PRKCE: variants seen among roughly 807,000 people sequenced by gnomAD.
The protein encoded by PRKCE is protein kinase C epsilon type.
A neutral mutation model predicts 85.4 loss-of-function variants in PRKCE; 16 were observed. The observed-to-expected ratio is 0.19, with a 90% CI of 0.13 to 0.28. The LOEUF is 0.28. Among genes scored for constraint, PRKCE ranks in the 10% least tolerant of loss-of-function variants. The probability of loss-of-function intolerance (pLI) is 1.00; values close to 1 mark genes in which losing one functional copy is unlikely to be tolerated. For missense variants in PRKCE, 573 were observed against 975.2 expected (o/e 0.59, Z 5.49); for synonymous variants, 388 against 371.5 (o/e 1.04, Z -0.51).
chr2:45,719,576 AGACAG>A (rs1253293758), intron 1 of PRKCE, among the ~76,000 whole-genome samples: 1 of 152,214 alleles, frequency 6.6e-6, no homozygotes, highest in Non-Finnish European at 1.5e-5. Flanking sequence ...CACATCTGAA[AGACAG>A]GACCAGGATT....
At position 45,652,986 on chromosome 2, in the gene PRKCE, GA is replaced by G. The variant is rs1055904823; in HGVS notation, c.348+544del. ...TAGCTCATCTTCTGACATACAAGTA[GA>G]AAAAATGTGTTCTCCTCCAGGATGT... On this transcript the variant is annotated intron_variant, in intron 1 of 14. Transcript: ENST00000306156. The surrounding 1 kb of genome is among the most constrained non-coding windows in gnomAD (Gnocchi z 7.7). Among the ~76,000 whole-genome samples the G allele has an allele frequency of 2.0e-5, 3 of 152,166 alleles. No individual in the cohort carries two copies. The highest frequency in any genetic ancestry group is 1.9e-4 in the East Asian group (1 of 5,182).
chr2:46,185,002 C>T lies in PRKCE; in HGVS notation c.*121C>T. ...CTCCTCGGAGCCCCAGTCCCATGTC[C>T]ACTGTCTATTTATTGCATTCCCTTG... On this transcript the variant is annotated 3_prime_UTR_variant, in exon 15 of 15. Coordinates refer to ENST00000306156, the MANE Select transcript of PRKCE (RefSeq NM_005400.3). This position sits in a 1 kb window ranked among gnomAD's most constrained non-coding sequence, Gnocchi z 4.7. The T allele has an allele frequency of 7.4e-7, 1 of 1,354,000 alleles. No individual in the cohort carries two copies. The highest frequency in any genetic ancestry group is 1.0e-6 in the Non-Finnish European group (1 of 993,628). 83.9% of individuals were successfully genotyped at this position (1,354,000 alleles called of 1,614,324 possible).
At chr2:45,792,104 G>A (rs1055581001) in intron 1 of PRKCE, among the ~76,000 whole-genome samples, 1 of 152,194 alleles carries the variant, frequency 6.6e-6, no homozygotes, top group Non-Finnish European at 1.5e-5. Flanking sequence ...CAGAAGCCTG[G>A]TGCTGGCATC....
intron 10 of PRKCE, among the ~76,000 whole-genome samples, chr2:46,050,788 C>T (rs1290431223): frequency 6.6e-6 from 1 of 152,192 alleles, no homozygotes; most frequent in Non-Finnish European, 1.5e-5. Context: ...AGGAGCAAGC[C>T]AACACATTTG....
chr2:45,973,272 G>A (rs756065314), intron 2 of PRKCE, among the ~76,000 whole-genome samples: 1 of 152,176 alleles, frequency 6.6e-6, no homozygotes, highest in Non-Finnish European at 1.5e-5. Context: ...CCACCTGTGG[G>A]TGACAGTGCT....
At chr2:45,761,152 C>T (rs1012973059) in intron 1 of PRKCE, among the ~76,000 whole-genome samples, 2 of 151,822 alleles carry the variant, frequency 1.3e-5, no homozygotes, top group Non-Finnish European at 2.9e-5. Flanking sequence ...ACGGTGAAAC[C>T]TCGTCTCTAC....
intron 1 of PRKCE, among the ~76,000 whole-genome samples, chr2:45,825,218 C>T (rs985106086): frequency 1.3e-5 from 2 of 152,196 alleles, no homozygotes; most frequent in Non-Finnish European, 2.9e-5. Flanking sequence ...GGAGCTGCAC[C>T]TTGTGGGGAA....
Position 45,774,302 on chromosome 2 carries a change from G to A in PRKCE, c.349-68698G>A, listed in dbSNP as rs1405879300. Among the ~76,000 whole-genome samples, 1 of 152,156 alleles carries A rather than the reference G, an allele frequency of 6.6e-6. No homozygotes were observed. ...GAGGTGATCGGACACCAGCCTGGCA[G>A]GGCAGCCTCATCTCATCTTCTGTAG... On this transcript the variant is annotated intron_variant, in intron 1 of 14. Coordinates refer to ENST00000306156, the MANE Select transcript of PRKCE (RefSeq NM_005400.3). This position sits in a 1 kb window ranked among gnomAD's most constrained non-coding sequence, Gnocchi z 4.3.
intron 14 of PRKCE, among the ~76,000 whole-genome samples, chr2:46,162,944 GA>G (rs1677926584): frequency 2.6e-5 from 4 of 152,080 alleles, no homozygotes. Flanking sequence ...GGCTTGTGTA[GA>G]AAAAGCAGAA....
intron 1 of PRKCE, among the ~76,000 whole-genome samples, chr2:45,757,169 C>T (rs1442995955): frequency 1.3e-5 from 2 of 151,718 alleles, no homozygotes; most frequent in Admixed American, 6.6e-5. Flanking sequence ...CCTATAGAGA[C>T]AGGTGGTGCA....
intron 10 of PRKCE, among the ~76,000 whole-genome samples, chr2:46,020,085 A>G (rs930006817): frequency 3.9e-5 from 6 of 151,936 alleles, no homozygotes; most frequent in African/African-American, 1.2e-4. Flanking sequence ...CCTGACCTCA[A>G]GTGATCCGCC....
chr2:46,064,235 TCA>T (rs1667410265), intron 10 of PRKCE, among the ~76,000 whole-genome samples: 1 of 135,264 alleles, frequency 7.4e-6, no homozygotes, highest in Non-Finnish European at 1.5e-5. Flanking sequence ...TGAGCCAAGA[TCA>T]TACCACTGCA....
chr2:46,004,663 G>T lies in PRKCE; in HGVS notation c.1063+25G>T. 2 of 1,537,032 alleles carry T rather than the reference G, an allele frequency of 1.3e-6. No homozygotes were observed. The highest frequency in any genetic ancestry group is 1.9e-5 in the Admixed American group (1 of 53,318). ...GGTGAGACCCTCAGATTTGCTTCCT[G>T]ACCTCTGAGTTCTGCCATTGGATGG... On this transcript the variant is annotated intron_variant, in intron 8 of 14. Coordinates refer to ENST00000306156, the MANE Select transcript of PRKCE (RefSeq NM_005400.3). The surrounding 1 kb of genome is among the most constrained non-coding windows in gnomAD (Gnocchi z 4.1).
chr2:45,712,124 T>C (rs1679697192), intron 1 of PRKCE, among the ~76,000 whole-genome samples: 1 of 144,612 alleles, frequency 6.9e-6, no homozygotes, highest in Non-Finnish European at 1.5e-5. Context: ...CTCTTGCCAC[T>C]CTACGGCCTG....
rs1424822888 is a variant in PRKCE at position 46,187,752 on chromosome 2, T to C, written c.*2871T>C. 2.0e-5 allele frequency: 3 copies of C among 151,908 alleles called. No homozygotes were observed. The highest frequency in any genetic ancestry group is 4.4e-5 in the Non-Finnish European group (3 of 67,872). 9.4% of individuals were successfully genotyped at this position (151,908 alleles called of 1,614,324 possible). ...AGAAGGCTAAAAAATTACCTCTTTT[T>C]AAATTATGTGCAAAATAATTCTGGC... is the stretch of plus-strand genomic sequence containing the variant. On this transcript the variant is annotated 3_prime_UTR_variant, in exon 15 of 15. Coordinates refer to ENST00000306156, the MANE Select transcript of PRKCE (RefSeq NM_005400.3).
chr2:46,082,296 GAA>G (rs1178537945), intron 10 of PRKCE, among the ~76,000 whole-genome samples: 26 of 152,210 alleles, frequency 1.7e-4, no homozygotes, highest in African/African-American at 6.0e-4. Context: ...GAGAGAGAGA[GAA>G]ATGGACAAGT....
intron 1 of PRKCE, among the ~76,000 whole-genome samples, chr2:45,794,316 C>T (rs144157435): frequency 6.6e-6 from 1 of 152,078 alleles, no homozygotes; most frequent in Non-Finnish European, 1.5e-5. Context: ...AATGGAGTGG[C>T]GCACTCTGGG....
intron 2 of PRKCE, among the ~76,000 whole-genome samples, chr2:45,939,501 C>T (rs985775738): frequency 3.3e-5 from 5 of 152,162 alleles, no homozygotes; most frequent in Non-Finnish European, 7.3e-5. Context: ...CATTTCAACC[C>T]CAAGTCACTA....
In PRKCE at chr2:45,699,821, A is replaced by G. The variant is rs888525948; in HGVS notation, c.348+47373A>G. ...GCTGTGGGCTGATGCGGGAGGTGTG[A>G]TTCTCTTGGAATCCCGGAAGGCACC... is the stretch of plus-strand genomic sequence containing the variant. On this transcript the variant is annotated intron_variant, in intron 1 of 14. Coordinates refer to ENST00000306156, the MANE Select transcript of PRKCE (RefSeq NM_005400.3). Among the ~76,000 whole-genome samples the G allele has an allele frequency of 2.6e-5, 4 of 152,196 alleles. No individual in the cohort carries two copies. The East Asian group carries it at 5.8e-4, about 22-fold the overall frequency.
Sources: gnomAD v4.1 joint callset for allele counts (sites outside exome capture counted in the v4.1 genomes callset) on GRCh38, gnomAD v4.1.1 for gene constraint, Gnocchi (gnomAD v3.1) non-coding constraint, MANE v1.5 for transcripts, NCBI Gene and HGNC (gene_info 2026-07-23, HGNC 2026-07-21) for gene names.